Variants in ANK3 observed in about 807,000 individuals in gnomAD.
ANK3 encodes the protein ankyrin 3, also known as ankyrin-3.
ANK3 carries 57 observed loss-of-function variants against 370.9 expected under a neutral mutation model. That is an observed-to-expected ratio of 0.15 (90% CI 0.12 to 0.19). The LOEUF (loss-of-function observed/expected upper bound fraction) is 0.19, where lower values mean the gene tolerates loss of function less well. ANK3 is among the 10% of genes least tolerant of loss of function. The pLI is 1.00. For missense variants in ANK3, 4,439 were observed against 5,302.1 expected, an observed-to-expected ratio of 0.84 and a Z score of 5.06; for synonymous variants, 1,929 against 1,946.3, an observed-to-expected ratio of 0.99 and a Z score of 0.23.
intron 2 of ANK3, chr10:60,507,580 A>T (rs376086666): frequency 3.9e-5 from 6 of 152,206 alleles, no homozygotes; most frequent in African/African-American, 1.4e-4. Flanking sequence ...TGAAAAGAAC[A>T]GCAAAGAAAA....
chr10:60,732,543 C>T (rs1018514074), intron 1 of ANK3, among the ~76,000 whole-genome samples: 1 of 152,094 alleles, frequency 6.6e-6, no homozygotes. Context: ...TCTCGGAGAT[C>T]GGAGATCGAA....
At chr10:60,066,984 A>G (rs80131031) in intron 38 of ANK3, among the ~76,000 whole-genome samples, 2,486 of 152,194 alleles carry the variant, frequency 0.016, 79 homozygotes, top group East Asian at 0.11. Flanking sequence ...CAGTGGTGCA[A>G]TCTCAGCTCA....
chr10:60,270,745 G>C (rs995669565), intron 4 of ANK3, among the ~76,000 whole-genome samples: 9 of 152,118 alleles, frequency 5.9e-5, no homozygotes, highest in African/African-American at 1.9e-4. Context: ...TAGCTTCAAA[G>C]CTTTTCAAAT....
At chr10:60,285,181 T>A (rs68143724) in intron 1 of ANK3, among the ~76,000 whole-genome samples, 18 of 151,884 alleles carry the variant, frequency 1.2e-4, no homozygotes, top group African/African-American at 3.4e-4. Context: ...CTCAGTTTTC[T>A]CAGCTGTCAA....
At chr10:60,665,456 C>T (rs774161059) in intron 1 of ANK3, among the ~76,000 whole-genome samples, 18 of 152,178 alleles carry the variant, frequency 1.2e-4, no homozygotes, top group Non-Finnish European at 1.8e-4. Flanking sequence ...TGGCATGTAG[C>T]AGATGCTCAT....
intron 2 of ANK3, among the ~76,000 whole-genome samples, chr10:60,519,787 C>T (rs1397450203): frequency 6.6e-6 from 1 of 152,078 alleles, no homozygotes; most frequent in Non-Finnish European, 1.5e-5. Context: ...TTACACCTGA[C>T]CACAGTAAGA....
chr10:60,108,225 T>A (rs952794551), intron 27 of ANK3: 4 of 449,532 alleles, frequency 8.9e-6, no homozygotes, highest in African/African-American at 8.1e-5. Context: ...AGCTGCAGGA[T>A]TCGGCTAACC....
chr10:60,667,311 T>C (rs1205192196), intron 1 of ANK3, among the ~76,000 whole-genome samples: 1 of 150,820 alleles, frequency 6.6e-6, no homozygotes, highest in Non-Finnish European at 1.5e-5. Context: ...CATTTCCTAC[T>C]AAGAGAATGT....
intron 2 of ANK3, among the ~76,000 whole-genome samples, chr10:60,429,191 A>G (rs1300922926): frequency 6.6e-6 from 1 of 152,166 alleles, no homozygotes; most frequent in African/African-American, 2.4e-5. Context: ...GAATCTCTGT[A>G]ATCCATCAGA....
At chr10:60,726,889 A>T (rs2079948545) in intron 1 of ANK3, among the ~76,000 whole-genome samples, 1 of 152,084 alleles carries the variant, frequency 6.6e-6, no homozygotes, top group African/African-American at 2.4e-5. Flanking sequence ...TTTAACATCA[A>T]CGTCTTTTTT....
At chr10:60,373,899 C>T (rs1395005533) in intron 1 of ANK3, among the ~76,000 whole-genome samples, 1 of 152,164 alleles carries the variant, frequency 6.6e-6, no homozygotes, top group Admixed American at 6.5e-5. Flanking sequence ...AGCCTCTTCT[C>T]TCATCAGTTG....
chr10:60,116,981 C>T (rs2093142368), intron 25 of ANK3, among the ~76,000 whole-genome samples: 1 of 152,076 alleles, frequency 6.6e-6, no homozygotes, highest in Non-Finnish European at 1.5e-5. Context: ...AAAAAATGGT[C>T]ACAGATGGAG....
chr10:60,488,583 C>T (rs1049587909), intron 2 of ANK3, among the ~76,000 whole-genome samples: 37 of 152,254 alleles, frequency 2.4e-4, no homozygotes, highest in African/African-American at 8.7e-4. Context: ...TTCTCCCAGC[C>T]CATTCTCCCA....
chr10:60,128,378 T>A (rs1010789670), intron 25 of ANK3, among the ~76,000 whole-genome samples: 1 of 92,778 alleles, frequency 1.1e-5, no homozygotes, highest in Non-Finnish European at 2.0e-5. Context: ...TTTCTTCATT[T>A]TTTTTCTTTT....
At chr10:60,501,750 C>T (rs2075804738) in intron 2 of ANK3, among the ~76,000 whole-genome samples, 1 of 150,296 alleles carries the variant, frequency 6.7e-6, no homozygotes, top group Non-Finnish European at 1.5e-5. Flanking sequence ...GAAAACTTGT[C>T]CTTTAAAAGA....
At chr10:60,105,399 A>G (rs146581382) in intron 28 of ANK3, among the ~76,000 whole-genome samples, 2 of 152,174 alleles carry the variant, frequency 1.3e-5, no homozygotes, top group Non-Finnish European at 2.9e-5. Context: ...GAGACATTGA[A>G]ACAACACAGA....
At chr10:60,503,302 G>A (rs920230199) in intron 2 of ANK3, among the ~76,000 whole-genome samples, 4 of 152,096 alleles carry the variant, frequency 2.6e-5, no homozygotes, top group African/African-American at 9.7e-5. Context: ...TTTTAATAAA[G>A]GGAACAACCA....
intron 7 of ANK3, among the ~76,000 whole-genome samples, chr10:60,243,459 T>C (rs539556592): frequency 1.3e-5 from 2 of 152,244 alleles, no homozygotes; most frequent in African/African-American, 4.8e-5. Context: ...CCATATGATG[T>C]CCTCCGCCAT....
In ANK3 at chr10:60,087,060, G is replaced by A. The variant is rs190990472; in HGVS notation, c.3541-176C>T. On this transcript the variant is annotated intron_variant, in intron 29 of 43. Transcript: ENST00000280772. ...CTATTTTAGGAAAGCATGAATAAAC[G>A]AAACCAAACACTATGACAGGAATTG... is the stretch of plus-strand genomic sequence containing the variant. 6.8e-3 allele frequency among the ~76,000 whole-genome samples: 977 copies of A among 143,018 alleles called. 9 individuals are homozygous for A. The highest frequency in any genetic ancestry group is 0.011 in the Non-Finnish European group (736 of 66,802). The allele number at this position is 143,018 out of a possible 152,430, so 93.8% of individuals were successfully genotyped here.
Sources: gnomAD v4.1 joint callset for allele counts (sites outside exome capture counted in the v4.1 genomes callset) on GRCh38, gnomAD v4.1.1 for gene constraint, MANE v1.5 for transcripts, NCBI Gene and HGNC (gene_info 2026-07-23, HGNC 2026-07-21) for gene names.